Variants in CEP112 observed in about 807,000 individuals in gnomAD.
The protein encoded by CEP112 is centrosomal protein 112, also known as centrosomal protein of 112 kDa.
Under a neutral mutation model 153.0 loss-of-function variants are expected in CEP112, and 127 were observed. The observed-to-expected ratio is 0.83, with a 90% CI of 0.72 to 0.96. The LOEUF is 0.96. Among genes scored for constraint, CEP112 ranks in the 40% least tolerant of loss-of-function variants. The pLI is 0.00. For missense variants in CEP112, 1,089 were observed against 1,101.2 expected, an observed-to-expected ratio of 0.99 and a Z score of 0.16; for synonymous variants, 358 against 374.4, an observed-to-expected ratio of 0.96 and a Z score of 0.51.
chr17:66,062,121 C>A (rs1277937600), intron 11 of CEP112, among the ~76,000 whole-genome samples: 1 of 152,098 alleles, frequency 6.6e-6, no homozygotes, highest in Non-Finnish European at 1.5e-5. Context: ...GAGGCCTCCC[C>A]AGCCATGCTG....
At chr17:66,131,859 C>A (rs1219833875) in intron 5 of CEP112, among the ~76,000 whole-genome samples, 1 of 151,774 alleles carries the variant, frequency 6.6e-6, no homozygotes, top group Non-Finnish European at 1.5e-5. Flanking sequence ...TAAGCAGGCA[C>A]AGTGTTTCTC....
intron 24 of CEP112, among the ~76,000 whole-genome samples, chr17:65,665,095 G>A (rs747700145): frequency 2.6e-5 from 4 of 152,124 alleles, no homozygotes; most frequent in Non-Finnish European, 5.9e-5. Context: ...CATCACACTG[G>A]TGCTCAGAGC....
At chr17:65,711,188 A>G (rs967102311) in intron 23 of CEP112, among the ~76,000 whole-genome samples, 2 of 152,200 alleles carry the variant, frequency 1.3e-5, no homozygotes, top group Admixed American at 6.5e-5. Flanking sequence ...CATACGATCA[A>G]TTGAGTTTCT....
At chr17:65,785,027 T>C (rs2054206982) in intron 21 of CEP112, among the ~76,000 whole-genome samples, 1 of 152,202 alleles carries the variant, frequency 6.6e-6, no homozygotes, top group Admixed American at 6.5e-5. Context: ...TAATCTATTT[T>C]CTGTCTCTAG....
intron 23 of CEP112, among the ~76,000 whole-genome samples, chr17:65,699,571 G>A (rs1428338001): frequency 6.6e-6 from 1 of 152,072 alleles, no homozygotes; most frequent in Non-Finnish European, 1.5e-5. Context: ...GTCTACACTG[G>A]CACGTTGTCT....
intron 23 of CEP112, among the ~76,000 whole-genome samples, chr17:65,708,898 T>C (rs1430317942): frequency 6.6e-6 from 1 of 152,198 alleles, no homozygotes; most frequent in African/African-American, 2.4e-5. Flanking sequence ...CACACACCAA[T>C]GTCCCTAATG....
At chr17:65,976,404 C>T (rs964127727) in intron 17 of CEP112, among the ~76,000 whole-genome samples, 4 of 152,114 alleles carry the variant, frequency 2.6e-5, no homozygotes, top group Non-Finnish European at 5.9e-5. Flanking sequence ...AGGTTCTACA[C>T]AAATTTACAA....
chr17:65,668,554 C>T (rs1007918439), intron 24 of CEP112, among the ~76,000 whole-genome samples: 1 of 152,188 alleles, frequency 6.6e-6, no homozygotes, highest in Admixed American at 6.5e-5. Flanking sequence ...AGAGAAAACT[C>T]TAAAACCACC....
intron 21 of CEP112, among the ~76,000 whole-genome samples, chr17:65,762,226 A>G (rs2052658702): frequency 6.6e-6 from 1 of 152,024 alleles, no homozygotes; most frequent in South Asian, 2.1e-4. Context: ...AGTCCACTGT[A>G]TCTGAATTTA....
chr17:65,970,901 A>C (rs2062737447), intron 17 of CEP112, among the ~76,000 whole-genome samples: 1 of 152,238 alleles, frequency 6.6e-6, no homozygotes, highest in Non-Finnish European at 1.5e-5. Context: ...ATCTGTGTGC[A>C]TTGCATGTAT....
At chr17:65,842,446 G>A (rs761837908) in intron 21 of CEP112, among the ~76,000 whole-genome samples, 1 of 152,124 alleles carries the variant, frequency 6.6e-6, no homozygotes, top group Non-Finnish European at 1.5e-5. Context: ...AAGGCAGAGG[G>A]AGAAAGAGGA....
chr17:66,108,814 C>A (rs1237162423), intron 6 of CEP112, among the ~76,000 whole-genome samples: 1 of 152,110 alleles, frequency 6.6e-6, no homozygotes, highest in East Asian at 1.9e-4. Flanking sequence ...ATCTGCATGC[C>A]CATCTTTGTT....
chr17:65,831,883 T>C (rs1340556956), intron 21 of CEP112, among the ~76,000 whole-genome samples: 1 of 152,088 alleles, frequency 6.6e-6, no homozygotes, highest in Admixed American at 6.6e-5. Context: ...AACAACAGAA[T>C]ATACATTCAT....
chr17:65,660,488 TTCCTTCCTTCCTTC>T (rs2046330924), intron 24 of CEP112, among the ~76,000 whole-genome samples: 1 of 123,350 alleles, frequency 8.1e-6, no homozygotes, highest in Admixed American at 8.6e-5. Context: ...CCTTCCTTCC[TTCCTTCCTTCCTTC>T]CTTCCTTCCT....
At chr17:65,902,959 A>G (rs2059930511) in intron 19 of CEP112, 1 of 152,058 alleles carries the variant, frequency 6.6e-6, no homozygotes. Flanking sequence ...TTCCCAGTCC[A>G]CTCCACACTG....
chr17:65,902,041 G>C, intron 20 of CEP112, 111 bp downstream of exon 20: 1 of 336,876 alleles, frequency 3.0e-6, no homozygotes. Flanking sequence ...TTATATGTCA[G>C]TTTTGCAAAT....
At chr17:65,811,068 A>C (rs1407405965) in intron 21 of CEP112, among the ~76,000 whole-genome samples, 1 of 152,224 alleles carries the variant, frequency 6.6e-6, no homozygotes. Context: ...GGGAAAATGA[A>C]TTAACATTGC....
chr17:65,933,510 C>G (rs2061198135), intron 18 of CEP112, among the ~76,000 whole-genome samples: 1 of 152,120 alleles, frequency 6.6e-6, no homozygotes, highest in Non-Finnish European at 1.5e-5. Context: ...ACCCTGCATG[C>G]CAGGAGACAG....
chr17:65,756,570 T>A (rs1325061827), intron 21 of CEP112, among the ~76,000 whole-genome samples: 1 of 151,610 alleles, frequency 6.6e-6, no homozygotes, highest in Admixed American at 6.6e-5. Flanking sequence ...AACATGGAGG[T>A]CACTGGTGAT....
Sources: allele counts gnomAD v4.1 joint callset (sites outside exome capture counted in the v4.1 genomes callset), GRCh38; gene constraint gnomAD v4.1.1; transcripts MANE v1.5; gene names NCBI Gene and HGNC (gene_info 2026-07-23, HGNC 2026-07-21).